The following KITLG variants were observed in gnomAD, a reference collection of about 807,000 sequenced individuals.
KITLG encodes the protein KIT ligand, also known as c-Kit ligand.
In KITLG, 13 loss-of-function variants were observed where a neutral mutation model predicts 34.1. That is an observed-to-expected ratio of 0.38 (90% CI 0.25 to 0.61). The LOEUF (loss-of-function observed/expected upper bound fraction) is 0.61. Among genes scored for constraint, KITLG ranks in the 20% least tolerant of loss-of-function variants. KITLG has a pLI of 0.60. For missense variants in KITLG, 292 were observed against 318.9 expected, an observed-to-expected ratio of 0.92 and a Z score of 0.64; for synonymous variants, 110 against 104.0, an observed-to-expected ratio of 1.06 and a Z score of -0.35.
At chr12:88,518,537 A>T (rs946842005) in intron 4 of KITLG, among the ~76,000 whole-genome samples, 160 bp downstream of exon 4, 1 of 152,208 alleles carries the variant, frequency 6.6e-6, no homozygotes. Context: ...ATAACTGCAA[A>T]TACTTGTTTT....
intron 3 of KITLG, among the ~76,000 whole-genome samples, chr12:88,528,773 A>T (rs1869972194): frequency 6.6e-6 from 1 of 152,252 alleles, no homozygotes; most frequent in Non-Finnish European, 1.5e-5. Context: ...AATGTTAAAA[A>T]TACTTGAAAT....
chr12:88,572,696 C>G (rs919616256), intron 1 of KITLG, among the ~76,000 whole-genome samples: 4 of 150,610 alleles, frequency 2.7e-5, no homozygotes, highest in African/African-American at 9.7e-5. Context: ...CAATTAATGT[C>G]ATCCAAATAG....
intron 1 of KITLG, among the ~76,000 whole-genome samples, chr12:88,546,482 C>G (rs938529142): frequency 2.0e-5 from 3 of 152,174 alleles, no homozygotes; most frequent in Admixed American, 6.5e-5. Flanking sequence ...AGAAAGTAAT[C>G]TGTCTTCTCT....
At chr12:88,553,969 T>C (rs1461407186) in intron 1 of KITLG, among the ~76,000 whole-genome samples, 1 of 152,198 alleles carries the variant, frequency 6.6e-6, no homozygotes, top group Non-Finnish European at 1.5e-5. Flanking sequence ...TCTTGCTTAA[T>C]TTTCATTTTT....
At chr12:88,514,585 A>T (rs2120830833) in intron 6 of KITLG, among the ~76,000 whole-genome samples, 1 of 151,892 alleles carries the variant, frequency 6.6e-6, no homozygotes, top group South Asian at 2.1e-4. Context: ...ATACATTAAT[A>T]TTTCATTAGT....
At chr12:88,504,273 T>G (rs537544090) in intron 9 of KITLG, among the ~76,000 whole-genome samples, 1 of 152,150 alleles carries the variant, frequency 6.6e-6, no homozygotes, top group Non-Finnish European at 1.5e-5. Flanking sequence ...GACTTACTAA[T>G]GAAGTTTGTT....
chr12:88,525,846 A>G (rs1156362941), intron 3 of KITLG, among the ~76,000 whole-genome samples: 3 of 152,178 alleles, frequency 2.0e-5, no homozygotes, highest in Non-Finnish European at 4.4e-5. Context: ...CACCTGATCA[A>G]ATGATACATG....
In KITLG at chr12:88,550,701, C is replaced by T. The variant is rs1870881137; in HGVS notation, c.16-4836G>A. Among the ~76,000 whole-genome samples, 6 of 152,162 alleles carry T rather than the reference C, an allele frequency of 3.9e-5. No individual in the cohort carries two copies. The South Asian group carries it at 1.2e-3, about 32-fold the overall frequency. On this transcript the variant is annotated intron_variant, in intron 1 of 9. Transcript: ENST00000644744. ...AATTCTAACTCCTGTCCTTTTAGCC[C>T]CTCTACACTGTCCCAGAACTCCTGC...
chr12:88,505,142 A>C lies in KITLG; in HGVS notation c.*37+17T>G, dbSNP rs750877278. On this transcript the variant is annotated intron_variant, in intron 9 of 9. Coordinates refer to ENST00000644744, the MANE Select transcript of KITLG (RefSeq NM_000899.5). ...AATAAAAAAAAGAAAAAAAAAGGAA[A>C]GAAGAAAAAAACTTACCAATGTACG... 4.5e-6 allele frequency: 6 copies of C among 1,332,862 alleles called. No homozygotes were observed. The highest frequency in any genetic ancestry group is 6.4e-6 in the Non-Finnish European group (6 of 935,658). 82.6% of individuals were successfully genotyped at this position (1,332,862 alleles called of 1,614,324 possible).
At chr12:88,528,557 C>T (rs1307177333) in intron 3 of KITLG, among the ~76,000 whole-genome samples, 2 of 152,082 alleles carry the variant, frequency 1.3e-5, no homozygotes, top group South Asian at 2.1e-4. Flanking sequence ...GATTAAAGTA[C>T]TATAATTATT....
intron 1 of KITLG, among the ~76,000 whole-genome samples, chr12:88,557,230 A>G (rs1396683799): frequency 6.6e-6 from 1 of 152,080 alleles, no homozygotes. Context: ...TGAGCTCAGA[A>G]GTTTTGACCC....
At chr12:88,498,476 A>G (rs1868725036) in intron 9 of KITLG, among the ~76,000 whole-genome samples, 1 of 152,200 alleles carries the variant, frequency 6.6e-6, no homozygotes, top group Admixed American at 6.5e-5. Flanking sequence ...AAATATATAG[A>G]AGATATTTTA....
chr12:88,521,297 T>C (rs1406695660), intron 3 of KITLG, among the ~76,000 whole-genome samples: 2 of 152,290 alleles, frequency 1.3e-5, no homozygotes, highest in South Asian at 2.1e-4. Flanking sequence ...GACTGGAATG[T>C]CTAGCAGTTT....
At chr12:88,551,808 C>A (rs1870924701) in intron 1 of KITLG, among the ~76,000 whole-genome samples, 1 of 152,118 alleles carries the variant, frequency 6.6e-6, no homozygotes, top group Non-Finnish European at 1.5e-5. Context: ...CCACACATGG[C>A]AAAATGGACT....
intron 3 of KITLG, among the ~76,000 whole-genome samples, chr12:88,521,741 G>T (rs1869672039): frequency 6.6e-6 from 1 of 152,120 alleles, no homozygotes. Context: ...TCCAAAAGAA[G>T]AAACATATAG....
intron 3 of KITLG, among the ~76,000 whole-genome samples, chr12:88,525,436 G>C (rs1249653335): frequency 6.6e-6 from 1 of 152,106 alleles, no homozygotes; most frequent in Non-Finnish European, 1.5e-5. Context: ...TTTTTGAGGA[G>C]CGACTATATG....
chr12:88,545,922 A>G, intron 1 of KITLG, 57 bp from the exon 2 acceptor site: 1 of 1,045,856 alleles, frequency 9.6e-7, no homozygotes, highest in South Asian at 1.3e-5. Flanking sequence ...GTAATCATTC[A>G]AACTTTTAAC....
chr12:88,545,592 C>T (rs1424527303), intron 2 of KITLG, among the ~76,000 whole-genome samples, 160 bp downstream of exon 2: 1 of 152,198 alleles, frequency 6.6e-6, no homozygotes, highest in African/African-American at 2.4e-5. Context: ...ATCTCACTAC[C>T]TGCTTTCTAT....
At chr12:88,546,232 A>G (rs1870716146) in intron 1 of KITLG, among the ~76,000 whole-genome samples, 2 of 152,180 alleles carry the variant, frequency 1.3e-5, no homozygotes. Context: ...CAAAAGAAAC[A>G]TCTTATTTCT....
Sources: allele counts gnomAD v4.1 joint callset (sites outside exome capture counted in the v4.1 genomes callset), GRCh38; gene constraint gnomAD v4.1.1; transcripts MANE v1.5; gene names NCBI Gene and HGNC (gene_info 2026-07-23, HGNC 2026-07-21).